DDAH1: variants seen among roughly 807,000 people sequenced by gnomAD.
DDAH1 encodes dimethylarginine dimethylaminohydrolase 1, also known as N(G),N(G)-dimethylarginine dimethylaminohydrolase 1.
A neutral mutation model predicts 28.8 loss-of-function variants in DDAH1; 19 were observed. The ratio of observed to expected loss-of-function variants is 0.66; its 90% CI spans 0.46 to 0.97. The LOEUF (loss-of-function observed/expected upper bound fraction) is 0.97, where lower values mean the gene tolerates loss of function less well. DDAH1 is among the 50% of genes least tolerant of loss of function. The probability of loss-of-function intolerance (pLI) is 0.00; values close to 1 mark genes in which losing one functional copy is unlikely to be tolerated. For missense variants in DDAH1, 326 were observed against 375.9 expected (o/e 0.87, Z 1.10); for synonymous variants, 153 against 154.4 (o/e 0.99, Z 0.07).
chr1:85,324,650 G>T, intron 5 of DDAH1, 90 bp downstream of exon 5: 1 of 1,416,204 alleles, frequency 7.1e-7, no homozygotes. Flanking sequence ...ATGTATACAG[G>T]AAAAGGAGGC....
At chr1:85,361,418 T>C (rs926855627) in intron 1 of DDAH1, among the ~76,000 whole-genome samples, 6 of 152,152 alleles carry the variant, frequency 3.9e-5, no homozygotes, top group South Asian at 2.1e-4. Flanking sequence ...CCACCTTTCA[T>C]TGAGACAGTA....
chr1:85,543,272 T>C (rs929473188), intron 1 of DDAH1, among the ~76,000 whole-genome samples: 1 of 152,210 alleles, frequency 6.6e-6, no homozygotes, highest in Non-Finnish European at 1.5e-5. Flanking sequence ...GTTCAACACA[T>C]TGAAATTTTT....
chr1:85,331,551 T>A (rs1647768365), intron 4 of DDAH1, among the ~76,000 whole-genome samples: 1 of 152,158 alleles, frequency 6.6e-6, no homozygotes, highest in Non-Finnish European at 1.5e-5. Context: ...TGCTACTGCA[T>A]ATCTAAAATC....
Position 85,357,071 on chromosome 1 carries a change from T to C in DDAH1, c.403+1677A>G, listed in dbSNP as rs796558639. Among the ~76,000 whole-genome samples the C allele has an allele frequency of 3.9e-5, 6 of 152,344 alleles. No homozygotes were observed. The East Asian group carries it at 5.8e-4, about 15-fold the overall frequency. Reference sequence around the variant, plus strand: ...AACTTTTCACAAAAGCCTATTTTGTTAGATAAACAGACTGTTGTTCTGTAC... The same window carrying C: ...AACTTTTCACAAAAGCCTATTTTGTCAGATAAACAGACTGTTGTTCTGTAC... On this transcript the variant is annotated intron_variant, in intron 2 of 5. Transcript: ENST00000284031.
At chr1:85,443,922 G>A (rs1289764351) in intron 1 of DDAH1, among the ~76,000 whole-genome samples, 2 of 152,168 alleles carry the variant, frequency 1.3e-5, no homozygotes, top group Non-Finnish European at 1.5e-5. Flanking sequence ...GGGCTGAGAC[G>A]ACGGGGTTTT....
intron 1 of DDAH1, among the ~76,000 whole-genome samples, chr1:85,360,614 T>A (rs1486966314): frequency 6.6e-6 from 1 of 152,186 alleles, no homozygotes; most frequent in Non-Finnish European, 1.5e-5. Flanking sequence ...CTATTATAAC[T>A]TAACATTTCA....
intron 1 of DDAH1, among the ~76,000 whole-genome samples, chr1:85,574,593 T>G (rs1281959615): frequency 6.6e-6 from 1 of 152,226 alleles, no homozygotes; most frequent in Non-Finnish European, 1.5e-5. Context: ...ACAGCATTTA[T>G]GTACCCACTT....
At chr1:85,364,886 A>C (rs1011690256) in intron 1 of DDAH1, among the ~76,000 whole-genome samples, 4 of 152,182 alleles carry the variant, frequency 2.6e-5, no homozygotes, top group Admixed American at 6.5e-5. Context: ...ACCAACAAAA[A>C]GGGATCGAAC....
intron 1 of DDAH1, among the ~76,000 whole-genome samples, chr1:85,366,273 G>A (rs1280404831): frequency 1.3e-5 from 2 of 152,082 alleles, no homozygotes; most frequent in African/African-American, 2.4e-5. Flanking sequence ...TGGTCAATAC[G>A]TGTTAAAGTT....
At chr1:85,378,377 C>T (rs564566048) in intron 1 of DDAH1, among the ~76,000 whole-genome samples, 1 of 152,108 alleles carries the variant, frequency 6.6e-6, no homozygotes, top group Non-Finnish European at 1.5e-5. Context: ...TAAAGGAGTA[C>T]CCTCTCTATG....
intron 1 of DDAH1, among the ~76,000 whole-genome samples, chr1:85,544,953 C>T (rs1658577139): frequency 1.3e-5 from 2 of 152,148 alleles, no homozygotes; most frequent in South Asian, 2.1e-4. Context: ...TCCTTCTGTA[C>T]ACAGTTATAA....
intron 2 of DDAH1, among the ~76,000 whole-genome samples, chr1:85,352,280 G>C (rs1432101285): frequency 6.6e-6 from 1 of 152,104 alleles, no homozygotes; most frequent in East Asian, 1.9e-4. Context: ...GTGTGTGTGG[G>C]TGAGTGTGCT....
chr1:85,513,040 C>T (rs1657304499), intron 1 of DDAH1, among the ~76,000 whole-genome samples: 1 of 152,150 alleles, frequency 6.6e-6, no homozygotes, highest in African/African-American at 2.4e-5. Flanking sequence ...CCTGCACTGC[C>T]AAGACAATCC....
At chr1:85,454,382 C>T (rs559760343) in intron 1 of DDAH1, among the ~76,000 whole-genome samples, 4 of 152,214 alleles carry the variant, frequency 2.6e-5, no homozygotes, top group South Asian at 4.2e-4. Context: ...AAACCATCAC[C>T]GTAAGGAGTC....
chr1:85,359,287 T>C (rs1649660532), intron 1 of DDAH1, among the ~76,000 whole-genome samples: 1 of 152,114 alleles, frequency 6.6e-6, no homozygotes, highest in African/African-American at 2.4e-5. Context: ...GTTAGCACAC[T>C]ATTGGAGGCT....
At chr1:85,350,565 A>G (rs752659768) in intron 3 of DDAH1, 31 bp from the exon 4 acceptor site, 3 of 1,606,758 alleles carry the variant, frequency 1.9e-6, no homozygotes, top group Non-Finnish European at 2.5e-6. Context: ...CAAGCAGTTT[A>G]GTATTGCAGA....
rs181660460 is a variant in DDAH1 at position 85,431,025 on chromosome 1, G to C, written c.303+33718C>G. Among the ~76,000 whole-genome samples the C allele has an allele frequency of 5.3e-5, 8 of 152,150 alleles. No individual in the cohort carries two copies. In the East Asian group the frequency reaches 1.3e-3, roughly 26 times the overall value. On this transcript the variant is annotated intron_variant, in intron 1 of 5. Coordinates refer to ENST00000284031, the MANE Select transcript of DDAH1 (RefSeq NM_012137.4). ...CCCGTTCAGTGTGATATTGGCTGTG[G>C]GTCTGTCATAAATAGCTCTTATTAT...
intron 2 of DDAH1, among the ~76,000 whole-genome samples, chr1:85,483,314 A>G (rs1395356869): frequency 1.3e-5 from 2 of 152,194 alleles, no homozygotes; most frequent in African/African-American, 4.8e-5. Flanking sequence ...AAAACTAGGA[A>G]CACAGAAAAG....
exon 1 of DDAH1, chr1:85,578,095 G>T: frequency 1.3e-6 from 1 of 792,244 alleles, no homozygotes; most frequent in Non-Finnish European, 1.5e-6. Flanking sequence ...ACGGTCTTTG[G>T]GCAGGACTTG....
Sources: allele counts gnomAD v4.1 joint callset (sites outside exome capture counted in the v4.1 genomes callset), GRCh38; gene constraint gnomAD v4.1.1; transcripts MANE v1.5; gene names NCBI Gene and HGNC (gene_info 2026-07-23, HGNC 2026-07-21).